SPG11: variants seen among roughly 807,000 people sequenced by gnomAD.
SPG11 encodes the protein spatacsin.
A neutral mutation model predicts 274.0 loss-of-function variants in SPG11; 222 were observed. That is an observed-to-expected ratio of 0.81 (90% CI 0.73 to 0.91). The LOEUF is 0.91. Among genes scored for constraint, SPG11 ranks in the 40% least tolerant of loss-of-function variants. The pLI is 0.00. For missense variants in SPG11, 3,114 were observed against 2,872.7 expected, an observed-to-expected ratio of 1.08 and a Z score of -1.92; for synonymous variants, 1,144 against 1,039.7, an observed-to-expected ratio of 1.10 and a Z score of -1.93.
At chr15:44,563,412 C>T in intron 39 of SPG11, 111 bp from the exon 40 acceptor site, 2 of 918,706 alleles carry the variant, frequency 2.2e-6, no homozygotes, top group South Asian at 1.4e-5. Context: ...AGTCTTGGCT[C>T]ACTGCAACCT....
intron 31 of SPG11, 131 bp downstream of exon 31, chr15:44,574,771 A>T: frequency 4.3e-6 from 5 of 1,150,932 alleles, no homozygotes; most frequent in Non-Finnish European, 6.4e-6. Flanking sequence ...GAGGGCCAAC[A>T]TCCTGATAAG....
chr15:44,632,697 T>C (rs754338990), intron 8 of SPG11, among the ~76,000 whole-genome samples: 22 of 151,964 alleles, frequency 1.4e-4, no homozygotes, highest in Non-Finnish European at 2.8e-4. Context: ...TTTTGTAGAA[T>C]GGGGTCTTGC....
rs971713077 is a variant in SPG11, at chr15:44,629,347, C to T, written c.1777G>A (p.Ala593Thr). ...LIPALDLLCS[A>T]IRESYSEPQS... ...GGTTCAGAATAACTTTCTCTAATTGCCGAGCAAAGTAAATCCAATGCTGGT... is the reference window on the plus strand; with the variant it reads ...GGTTCAGAATAACTTTCTCTAATTGTCGAGCAAAGTAAATCCAATGCTGGT... Residue 593 changes from alanine to threonine, a missense_variant, in exon 9 of 40, where the codon GCA becomes ACA. Physicochemically the swap from Ala to Thr is moderately conservative, Grantham distance 58 (BLOSUM62 0). Transcript: ENST00000261866. 2.7e-5 allele frequency: 43 copies of T among 1,613,960 alleles called. No individual in the cohort carries two copies. The highest frequency in any genetic ancestry group is 3.6e-5 in the Non-Finnish European group (42 of 1,180,016).
At chr15:44,615,591 A>C in intron 15 of SPG11, 25 bp from the exon 16 acceptor site, 1 of 1,607,156 alleles carries the variant, frequency 6.2e-7, no homozygotes, top group Non-Finnish European at 8.5e-7. Context: ...ATAGGATGTC[A>C]AGTTAAAAAG....
rs374899647 is a variant in SPG11 at position 44,621,953 on chromosome 15, AT to A, written c.2445-20del. The A allele has an allele frequency of 0.1, 98,864 of 959,528 alleles. 357 individuals carry two copies. Among genetic ancestry groups the A allele is most frequent in the African/African-American group, 0.15 (9,417 of 61,524 alleles). 59.4% of individuals were successfully genotyped at this position (959,528 alleles called of 1,614,324 possible). A position where few individuals can be genotyped will look rare whatever the true frequency, so the allele number is the denominator to read the frequency against. ...CCAGTACCTAAAAACAGTGATATAA[AT>A]TTTTTTTTTTTTAATTTTGGAGAAA... On this transcript the variant is annotated intron_variant, in intron 13 of 39. Coordinates refer to ENST00000261866, the MANE Select transcript of SPG11 (RefSeq NM_025137.4).
chr15:44,610,729 A>T, intron 18 of SPG11, 111 bp downstream of exon 18: 2 of 1,133,168 alleles, frequency 1.8e-6, no homozygotes. Context: ...TAATCTAATG[A>T]AATACTTGAA....
intron 32 of SPG11, 120 bp from the exon 33 acceptor site, chr15:44,572,940 G>T: frequency 4.8e-5 from 36 of 746,938 alleles, no homozygotes; most frequent in East Asian, 6.7e-5. Context: ...TGCTGAGCTT[G>T]AAACCCTTGG....
intron 7 of SPG11, among the ~76,000 whole-genome samples, chr15:44,637,075 TCA>T (rs1211742285): frequency 2.7e-5 from 4 of 150,674 alleles, no homozygotes; most frequent in East Asian, 2.0e-4. Flanking sequence ...ATTTTCAAAA[TCA>T]CACATATAAA....
intron 18 of SPG11, 82 bp downstream of exon 18, chr15:44,610,758 T>C: frequency 7.9e-7 from 1 of 1,260,606 alleles, no homozygotes. Context: ...TATTTTAATA[T>C]CAGCTGAGAT....
intron 15 of SPG11, among the ~76,000 whole-genome samples, chr15:44,618,043 A>G (rs1203966944): frequency 6.6e-6 from 1 of 152,178 alleles, no homozygotes; most frequent in Non-Finnish European, 1.5e-5. Context: ...AAAACAAAAA[A>G]CAAAAAAATA....
intron 27 of SPG11, among the ~76,000 whole-genome samples, chr15:44,589,656 G>A (rs2082853359): frequency 6.6e-6 from 1 of 152,220 alleles, no homozygotes; most frequent in Admixed American, 6.5e-5. Flanking sequence ...CTGGTATAGA[G>A]CTGCATGTGT....
Position 44,592,341 on chromosome 15 carries a change from C to A in SPG11, c.4733G>T (p.Ser1578Ile). 1 of 1,596,066 alleles carries A rather than the reference C, an allele frequency of 6.3e-7. No individual in the cohort carries two copies. The highest frequency in any genetic ancestry group is 8.6e-7 in the Non-Finnish European group (1 of 1,163,682). The change falls in exon 27 of 40, where the codon AGC (serine) becomes ATC (isoleucine). Residue 1578 changes from serine (S) to isoleucine (I), a missense_variant. Transcript: ENST00000261866. Reference protein sequence around the residue: ...AEAKLLEFQKSLETLNTAATK... With the variant: ...AEAKLLEFQKILETLNTAATK... ...ATAATTCCAACTTACCGTTTCAAGG[C>A]TCTTCTGAAACTCCAGAAGTTTAGC... is the stretch of plus-strand genomic sequence containing the variant.
At chr15:44,582,993 C>A (rs1053060274) in intron 30 of SPG11, among the ~76,000 whole-genome samples, 4 of 152,114 alleles carry the variant, frequency 2.6e-5, no homozygotes, top group Non-Finnish European at 5.9e-5. Flanking sequence ...CCACCCCTAT[C>A]CAACACAGTA....
chr15:44,593,478 G>A (rs1313907069), intron 26 of SPG11, among the ~76,000 whole-genome samples: 1 of 152,162 alleles, frequency 6.6e-6, no homozygotes, highest in African/African-American at 2.4e-5. Flanking sequence ...GTGTGCGCTA[G>A]CATGCCCAGG....
chr15:44,602,360 C>G (rs2083214895), intron 20 of SPG11, among the ~76,000 whole-genome samples: 1 of 151,984 alleles, frequency 6.6e-6, no homozygotes, highest in Non-Finnish European at 1.5e-5. Flanking sequence ...TCATACATGG[C>G]CTTTATAATG....
chr15:44,569,357 AG>A (rs755868543), intron 35 of SPG11, 40 bp downstream of exon 35: 2 of 1,369,716 alleles, frequency 1.5e-6, no homozygotes, highest in South Asian at 2.5e-5. Context: ...CTGAATTATC[AG>A]CAGTACACCC....
rs142044079 is a variant in SPG11 at position 44,616,994 on chromosome 15, C to G, written c.2835-1428G>C. On this transcript the variant is annotated intron_variant, in intron 15 of 39. Transcript: ENST00000261866. ...CTTCCTCTTTTGTGAGAAGCCTGTGCTGGTATCCTTCTCCTCAGATCCAAG... is the reference window on the plus strand; with the variant it reads ...CTTCCTCTTTTGTGAGAAGCCTGTGGTGGTATCCTTCTCCTCAGATCCAAG... 2.1e-3 allele frequency among the ~76,000 whole-genome samples: 322 copies of G among 152,290 alleles called. 1 individual carries two copies. Among genetic ancestry groups the G allele is most frequent in the African/African-American group, 7.5e-3 (311 of 41,560 alleles).
Position 44,663,578 on chromosome 15 carries a change from G to A in SPG11, c.70C>T (p.Arg24Trp), listed in dbSNP as rs745561381. ...GGCACCAACAGCATCGGTAGAACCC[G>A]CCCCATGGCCGCGGTGCCCCAGCTA... ...GGSWGTAAMG[R>W]VLPMLLVPVP... Residue 24 changes from arginine (R) to tryptophan (W), a missense_variant, in exon 1 of 40, where the codon CGG becomes TGG. Physicochemically the swap from Arg to Trp is moderately radical, Grantham distance 101 (BLOSUM62 -3). Transcript: ENST00000261866. 8.8e-6 allele frequency: 14 copies of A among 1,595,940 alleles called. No homozygotes were observed. The African/African-American group carries it at 1.5e-4, about 17-fold the overall frequency.
chr15:44,644,114 C>T (rs955453001), intron 7 of SPG11, among the ~76,000 whole-genome samples: 2 of 151,342 alleles, frequency 1.3e-5, no homozygotes, highest in African/African-American at 4.9e-5. Flanking sequence ...TTGCAGTGAG[C>T]CGAGATCGCG....
Sources: gnomAD v4.1 joint callset for allele counts (sites outside exome capture counted in the v4.1 genomes callset) on GRCh38, gnomAD v4.1.1 for gene constraint, MANE v1.5 for transcripts, NCBI Gene and HGNC (gene_info 2026-07-23, HGNC 2026-07-21) for gene names.